The following CDH18 variants were observed in gnomAD, a reference collection of about 807,000 sequenced individuals.
CDH18 encodes the protein cadherin-18.
Under a neutral mutation model 67.9 loss-of-function variants are expected in CDH18, and 31 were observed. The observed-to-expected ratio is 0.46, with a 90% CI of 0.34 to 0.62. CDH18 has a LOEUF of 0.62. Among genes scored for constraint, CDH18 ranks in the 20% least tolerant of loss-of-function variants. The pLI is 0.01. For synonymous variants in CDH18, 362 were observed against 347.2 expected, an observed-to-expected ratio of 1.04 and a Z score of -0.48; for missense variants, 890 against 975.5, an observed-to-expected ratio of 0.91 and a Z score of 1.17.
chr5:20,540,476 A>G (rs1236352195), intron 1 of CDH18, among the ~76,000 whole-genome samples: 1 of 152,178 alleles, frequency 6.6e-6, no homozygotes, highest in Non-Finnish European at 1.5e-5. Flanking sequence ...ATATATATGT[A>G]TGTCTATATA....
At position 20,387,850 on chromosome 5, in the gene CDH18, T is replaced by C. The variant is rs1283342253; in HGVS notation, c.-579-132345A>G. Among the ~76,000 whole-genome samples the C allele has an allele frequency of 2.6e-5, 4 of 152,184 alleles. No homozygotes were observed. In the East Asian group the frequency reaches 7.7e-4, roughly 29 times the overall value. On this transcript the variant is annotated intron_variant, in intron 1 of 14. Transcript: ENST00000507958. The stretch of plus-strand genomic sequence containing the variant: ...CACATGGTTTTTGTCATTGGTTCTG[T>C]TTATATGCTGGATTATGTTTATTGA...
intron 1 of CDH18, among the ~76,000 whole-genome samples, chr5:20,257,972 T>G (rs1423870415): frequency 6.6e-6 from 1 of 150,878 alleles, no homozygotes; most frequent in Non-Finnish European, 1.5e-5. Context: ...CAAAATGTAT[T>G]CTCATTTATT....
At chr5:20,500,477 T>C (rs4866192) in intron 1 of CDH18, among the ~76,000 whole-genome samples, 1 of 152,254 alleles carries the variant, frequency 6.6e-6, no homozygotes, top group African/African-American at 2.4e-5. Flanking sequence ...ACCTGGGGAA[T>C]TGAACAACTC....
rs12656705 is a variant in CDH18, at chr5:19,900,652, T to A, written c.-256-61410A>T. ...CCAAGCTTTCAAAAATTATGTATGGTATAATTCCACTTACATACACATAAT... is the reference window on the plus strand; with the variant it reads ...CCAAGCTTTCAAAAATTATGTATGGAATAATTCCACTTACATACACATAAT... On this transcript the variant is annotated intron_variant, in intron 2 of 12. Coordinates refer to ENST00000382275, the MANE Select transcript of CDH18 (RefSeq NM_004934.5). 3.9e-5 allele frequency among the ~76,000 whole-genome samples: 6 copies of A among 152,190 alleles called. No individual in the cohort carries two copies. The East Asian group carries it at 1.2e-3, about 29-fold the overall frequency.
At chr5:19,825,119 G>A (rs1185292411) in intron 3 of CDH18, among the ~76,000 whole-genome samples, 1 of 151,968 alleles carries the variant, frequency 6.6e-6, no homozygotes, top group Non-Finnish European at 1.5e-5. Flanking sequence ...CAGGTAGACA[G>A]TGCCTGCTAG....
chr5:19,645,032 G>T (rs1425624728), intron 5 of CDH18, among the ~76,000 whole-genome samples: 1 of 152,146 alleles, frequency 6.6e-6, no homozygotes, highest in South Asian at 2.1e-4. Flanking sequence ...CAAAATAAGA[G>T]AATAGCAATG....
rs576505346 is a variant in CDH18, at chr5:20,389,205, C to A, written c.-579-133700G>T. 1.0e-3 allele frequency among the ~76,000 whole-genome samples: 157 copies of A among 152,266 alleles called. 1 individual carries two copies. The highest frequency in any genetic ancestry group is 0.01 in the Middle Eastern group (3 of 294). On this transcript the variant is annotated intron_variant, in intron 1 of 14. Transcript: ENST00000507958. ...GGCATCTAAGTCTCTTTCTAAGTCTCTAAGGACTTGCTTTATGAATCTGGG... is the reference window on the plus strand; with the variant it reads ...GGCATCTAAGTCTCTTTCTAAGTCTATAAGGACTTGCTTTATGAATCTGGG...
intron 2 of CDH18, among the ~76,000 whole-genome samples, chr5:19,961,371 C>T (rs919345095): frequency 7.9e-5 from 12 of 151,958 alleles, no homozygotes; most frequent in Middle Eastern, 6.8e-3. Context: ...CCTCCCAAAC[C>T]GCAAGGATTA....
chr5:20,443,141 C>T (rs1749740308), intron 1 of CDH18, among the ~76,000 whole-genome samples: 1 of 125,742 alleles, frequency 8.0e-6, no homozygotes, highest in South Asian at 2.8e-4. Flanking sequence ...ACCCGGGAGG[C>T]GGAGCTTGCA....
At chr5:20,200,785 A>G (rs1159064558) in intron 2 of CDH18, among the ~76,000 whole-genome samples, 3 of 152,196 alleles carry the variant, frequency 2.0e-5, no homozygotes, top group Non-Finnish European at 2.9e-5. Context: ...AGTATTCAGC[A>G]TCCCACAATC....
chr5:19,920,349 G>A (rs907443482), intron 2 of CDH18, among the ~76,000 whole-genome samples: 2 of 152,056 alleles, frequency 1.3e-5, no homozygotes, highest in African/African-American at 4.8e-5. Flanking sequence ...AGTAGGACTT[G>A]AAAACTGGAT....
chr5:20,408,254 T>G (rs991553244), intron 1 of CDH18, among the ~76,000 whole-genome samples: 1 of 152,210 alleles, frequency 6.6e-6, no homozygotes, highest in Middle Eastern at 3.4e-3. Context: ...CAGGAAATGT[T>G]AAATTGAAAA....
chr5:19,835,062 A>G (rs930396874), intron 3 of CDH18, among the ~76,000 whole-genome samples: 3 of 152,332 alleles, frequency 2.0e-5, no homozygotes, highest in African/African-American at 7.2e-5. Flanking sequence ...GTATAAAGAC[A>G]CATGCACATG....
intron 2 of CDH18, among the ~76,000 whole-genome samples, chr5:19,931,720 T>C (rs1793716140): frequency 6.6e-6 from 1 of 151,902 alleles, no homozygotes; most frequent in Admixed American, 6.6e-5. Flanking sequence ...TATTTTCCTT[T>C]GTTTAACACA....
chr5:19,712,616 A>G (rs1764837858), intron 5 of CDH18, among the ~76,000 whole-genome samples: 1 of 150,032 alleles, frequency 6.7e-6, no homozygotes, highest in South Asian at 2.1e-4. Context: ...GTTGAAATAT[A>G]GAAGTAAGTA....
chr5:20,254,152 G>A (rs1305410746), intron 2 of CDH18, among the ~76,000 whole-genome samples: 2 of 152,052 alleles, frequency 1.3e-5, no homozygotes, highest in Non-Finnish European at 2.9e-5. Flanking sequence ...TAGCTCTGTC[G>A]CCCAGGCTAG....
At chr5:20,414,676 A>AG (rs2150149134) in intron 1 of CDH18, among the ~76,000 whole-genome samples, 1 of 152,302 alleles carries the variant, frequency 6.6e-6, no homozygotes, top group South Asian at 2.1e-4. Flanking sequence ...AAATATATGA[A>AG]TTTTTTTAAG....
chr5:20,359,973 A>G (rs183403870), intron 1 of CDH18, among the ~76,000 whole-genome samples: 183 of 150,690 alleles, frequency 1.2e-3, no homozygotes, highest in African/African-American at 4.2e-3. Flanking sequence ...TATCCAATAC[A>G]TTATGCCACT....
intron 2 of CDH18, among the ~76,000 whole-genome samples, chr5:19,869,444 T>G (rs184552691): frequency 3.9e-5 from 6 of 152,234 alleles, no homozygotes; most frequent in African/African-American, 1.4e-4. Context: ...AATGATCCCC[T>G]AAAATGAACA....
Sources: allele counts gnomAD v4.1 joint callset (sites outside exome capture counted in the v4.1 genomes callset), GRCh38; gene constraint gnomAD v4.1.1; transcripts MANE v1.5; gene names NCBI Gene and HGNC (gene_info 2026-07-23, HGNC 2026-07-21).